Variants in CBLL1 observed in about 807,000 individuals in gnomAD.
CBLL1 encodes the protein Cbl proto-oncogene like 1.
CBLL1 carries 4 observed loss-of-function variants against 44.9 expected under a neutral mutation model. The observed-to-expected ratio is 0.09, with a 90% confidence interval of 0.04 to 0.20. The LOEUF (loss-of-function observed/expected upper bound fraction) is 0.20, where lower values mean the gene tolerates loss of function less well. CBLL1 is among the 10% of genes least tolerant of loss of function. The probability of loss-of-function intolerance (pLI) is 1.00; values close to 1 mark genes in which losing one functional copy is unlikely to be tolerated. For missense variants in CBLL1, 569 were observed against 636.7 expected, an observed-to-expected ratio of 0.89 and a Z score of 1.14; for synonymous variants, 235 against 202.2, an observed-to-expected ratio of 1.16 and a Z score of -1.38.
chr7:107,746,244 G>A (rs926972060), intron 1 of CBLL1, among the ~76,000 whole-genome samples: 1 of 152,080 alleles, frequency 6.6e-6, no homozygotes, highest in Admixed American at 6.6e-5. Context: ...TCATAATAGG[G>A]GTGAGTGTAA....
intron 2 of CBLL1, among the ~76,000 whole-genome samples, chr7:107,750,238 G>A (rs2115628051): frequency 6.6e-6 from 1 of 151,924 alleles, no homozygotes; most frequent in East Asian, 1.9e-4. Context: ...GTGAGCCACT[G>A]TGCCTGGCCT....
At chr7:107,752,677 A>G (rs1793357944) in intron 2 of CBLL1, 2 of 931,854 alleles carry the variant, frequency 2.1e-6, no homozygotes, top group African/African-American at 1.7e-5. Context: ...GTTCTTTTGT[A>G]GGAGTTGAGA....
chr7:107,750,986 T>C (rs940740945), intron 2 of CBLL1, among the ~76,000 whole-genome samples: 1 of 152,050 alleles, frequency 6.6e-6, no homozygotes, highest in African/African-American at 2.4e-5. Context: ...CTGGCTTTTT[T>C]TTTTTTCCCT....
chr7:107,753,658 A>T (rs1793407078), intron 3 of CBLL1, 147 bp downstream of exon 3: 1 of 578,736 alleles, frequency 1.7e-6, no homozygotes, highest in Non-Finnish European at 2.9e-6. Flanking sequence ...ATCATTTGTT[A>T]ATACTCTATT....
chr7:107,748,229 C>T (rs1422652260), intron 1 of CBLL1, among the ~76,000 whole-genome samples: 1 of 152,154 alleles, frequency 6.6e-6, no homozygotes, highest in East Asian at 1.9e-4. Context: ...TTTTCCATTA[C>T]AGTGCTGACT....
intron 1 of CBLL1, among the ~76,000 whole-genome samples, chr7:107,747,655 A>AGCTGTTATAACAGCTTT (rs1793082916): frequency 6.6e-6 from 1 of 152,216 alleles, no homozygotes; most frequent in Admixed American, 6.5e-5. Flanking sequence ...TCTTTGTTTT[A>AGCTGTTATAACAGCTTT]GGATTAGCTG....
At position 107,759,254 on chromosome 7, in the gene CBLL1, T is replaced by C; in HGVS notation, c.*76T>C. On this transcript the variant is annotated 3_prime_UTR_variant, in exon 6 of 6. Coordinates refer to ENST00000440859, the MANE Select transcript of CBLL1 (RefSeq NM_024814.4). ...TCAATCTTTTAAGCTTTGACTGTTT[T>C]GGGAAGGAAGAGTACCTCTTATCGA... The C allele has an allele frequency of 2.3e-6, 3 of 1,333,308 alleles. No individual in the cohort carries two copies. The highest frequency in any genetic ancestry group is 2.2e-5 in the Admixed American group (1 of 45,984). 82.6% of individuals were successfully genotyped at this position (1,333,308 alleles called of 1,614,324 possible). A position where few individuals can be genotyped will look rare whatever the true frequency, so the allele number is the denominator to read the frequency against.
Position 107,759,377 on chromosome 7 carries a change from C to T in CBLL1, c.*199C>T. ...ACCATACTGTAGTACAGATAAGTGG[C>T]TCAGTTGAGCACAGCTATATTTTAA... On this transcript the variant is annotated 3_prime_UTR_variant, in exon 6 of 6. Transcript: ENST00000440859. 4.1e-6 allele frequency: 2 copies of T among 484,810 alleles called. No homozygotes were observed. Among genetic ancestry groups the T allele is most frequent in the Non-Finnish European group, 7.2e-6 (2 of 277,198 alleles). The allele number at this position is 484,810 out of a possible 1,614,324, so 30.0% of individuals were successfully genotyped here.
At chr7:107,748,773 A>G (rs1472454111) in intron 1 of CBLL1, 107 bp from the exon 2 acceptor site, 45 of 913,324 alleles carry the variant, frequency 4.9e-5, no homozygotes, top group Non-Finnish European at 7.3e-5. Context: ...ATCAGAACCC[A>G]GATCTTTAAC....
intron 2 of CBLL1, among the ~76,000 whole-genome samples, chr7:107,749,576 A>C (rs965141113): frequency 1.5e-4 from 23 of 150,618 alleles, no homozygotes; most frequent in African/African-American, 5.6e-4. Flanking sequence ...TACTTTGTAG[A>C]ATTTGTACTT....
intron 1 of CBLL1, among the ~76,000 whole-genome samples, chr7:107,745,284 AG>A (rs1276625221): frequency 6.6e-6 from 1 of 152,150 alleles, no homozygotes; most frequent in Non-Finnish European, 1.5e-5. Flanking sequence ...AATTTCAGAG[AG>A]GGTTGTTAGG....
In CBLL1 at chr7:107,752,421, T is replaced by C. The variant is rs534260202; in HGVS notation, c.182-990T>C. On this transcript the variant is annotated intron_variant, in intron 2 of 5. Transcript: ENST00000440859. ...TTCAAAAACTTCTTGCATCATTGTT[T>C]GTGTGTTAATGTGAATGTGTCTCTC... 6.1e-5 allele frequency: 22 copies of C among 358,218 alleles called. No homozygotes were observed. In the East Asian group the frequency reaches 1.4e-3, roughly 24 times the overall value. 22.2% of individuals were successfully genotyped at this position (358,218 alleles called of 1,614,324 possible).
At chr7:107,753,577 G>A (rs1203159790) in intron 3 of CBLL1, 66 bp downstream of exon 3, 8 of 887,354 alleles carry the variant, frequency 9.0e-6, no homozygotes, top group African/African-American at 1.7e-5. Context: ...TACTTAAAAT[G>A]TTTTATTGGA....
chr7:107,744,222 G>A, intron 1 of CBLL1, 46 bp downstream of exon 1: 1 of 1,531,060 alleles, frequency 6.5e-7, no homozygotes, highest in Non-Finnish European at 8.8e-7. Context: ...AGCCCCCTTG[G>A]CCGGCCTGGG....
intron 5 of CBLL1, 128 bp downstream of exon 5, chr7:107,755,619 T>TAAACAAAGACATA: frequency 2.2e-6 from 1 of 459,258 alleles, no homozygotes. Flanking sequence ...TGGCTAATCT[T>TAAACAAAGACATA]TTTCTGTGAG....
At chr7:107,756,750 C>T (rs932164804) in intron 5 of CBLL1, among the ~76,000 whole-genome samples, 4 of 152,040 alleles carry the variant, frequency 2.6e-5, no homozygotes, top group African/African-American at 7.2e-5. Context: ...AACTAATGTA[C>T]TGAATATTCT....
chr7:107,758,282 G>A lies in CBLL1; in HGVS notation c.580G>A (p.Gly194Arg). ...TATCAACCATCGCCATATGAGAGCT[G>A]GAAAACCTGTTACCCGTGCTTCACT... is the stretch of plus-strand genomic sequence containing the variant. ...AHINHRHMRA[G>R]KPVTRASLEN... The change falls in exon 6 of 6, where the codon GGA (glycine) becomes AGA (arginine). Residue 194 changes from glycine to arginine, a missense_variant. Gly to Arg is a moderately radical substitution (Grantham distance 125). Coordinates refer to ENST00000440859, the MANE Select transcript of CBLL1 (RefSeq NM_024814.4). This position sits in a 1 kb window ranked among gnomAD's most constrained non-coding sequence, Gnocchi z 4.2. 6.2e-7 allele frequency: 1 copy of A among 1,614,012 alleles called. No homozygotes were observed. Among genetic ancestry groups the A allele is most frequent in the Non-Finnish European group, 8.5e-7 (1 of 1,179,988 alleles).
In CBLL1 at chr7:107,755,407, T is replaced by G. The variant is rs760286881; in HGVS notation, c.367-11T>G. The G allele has an allele frequency of 2.0e-6, 3 of 1,532,258 alleles. No homozygotes were observed. The highest frequency in any genetic ancestry group is 2.7e-6 in the Non-Finnish European group (3 of 1,129,718). 94.9% of individuals were successfully genotyped at this position (1,532,258 alleles called of 1,614,324 possible). The stretch of plus-strand genomic sequence containing the variant: ...CTAATATGCTTAACTGTAATATGTC[T>G]TTGTTTACAGATTCCATGCAAGCAT... On this transcript the variant is annotated splice_polypyrimidine_tract_variant and intron_variant, in intron 4 of 5. Coordinates refer to ENST00000440859, the MANE Select transcript of CBLL1 (RefSeq NM_024814.4).
chr7:107,758,835 C>T lies in CBLL1; in HGVS notation c.1133C>T (p.Thr378Ile). 21 of 1,613,990 alleles carry T rather than the reference C, an allele frequency of 1.3e-5. No homozygotes were observed. The highest frequency in any genetic ancestry group is 1.8e-5 in the Non-Finnish European group (21 of 1,179,966). ...VYSQAPPPPM[T>I]SAPPPITPPP... ...AGCCAAGCTCCACCTCCACCAATGA[C>T]CTCTGCTCCACCACCAATAACCCCT... Residue 378 changes from threonine to isoleucine, a missense_variant, in exon 6 of 6, where the codon ACC (threonine) becomes ATC (isoleucine). By Grantham distance (89) the Thr-to-Ile change is moderately conservative. Transcript: ENST00000440859. This position sits in a 1 kb window ranked among gnomAD's most constrained non-coding sequence, Gnocchi z 4.2.
Sources: allele counts gnomAD v4.1 joint callset (sites outside exome capture counted in the v4.1 genomes callset), GRCh38; gene constraint gnomAD v4.1.1; non-coding constraint Gnocchi (gnomAD v3.1); transcripts MANE v1.5; gene names NCBI Gene and HGNC (gene_info 2026-07-23, HGNC 2026-07-21).